The following GSK3B variants were observed in gnomAD, a reference collection of about 807,000 sequenced individuals.
GSK3B encodes the protein glycogen synthase kinase-3 beta.
Under a neutral mutation model 56.4 loss-of-function variants are expected in GSK3B, and 15 were observed. The ratio of observed to expected loss-of-function variants is 0.27; its 90% CI spans 0.18 to 0.41. The LOEUF is 0.41. GSK3B is among the 10% of genes least tolerant of loss of function. The pLI, the probability that GSK3B is intolerant of heterozygous loss-of-function variation, is 1.00. For synonymous variants in GSK3B, 181 were observed against 188.9 expected (o/e 0.96, Z 0.34); for missense variants, 300 against 513.4 (o/e 0.58, Z 4.02).
intron 4 of GSK3B, among the ~76,000 whole-genome samples, chr3:119,921,200 G>A (rs763430946): frequency 3.3e-5 from 5 of 152,088 alleles, no homozygotes; most frequent in South Asian, 2.1e-4. Flanking sequence ...ATAAATTTTC[G>A]TAAATAAAGA....
chr3:120,074,563 G>A (rs1466911253), intron 1 of GSK3B, among the ~76,000 whole-genome samples: 5 of 152,060 alleles, frequency 3.3e-5, no homozygotes, highest in Middle Eastern at 3.4e-3. Context: ...TGATCTGCCC[G>A]TCTCAGCCTC....
At chr3:120,055,877 A>C (rs943226481) in intron 1 of GSK3B, among the ~76,000 whole-genome samples, 5 of 152,254 alleles carry the variant, frequency 3.3e-5, no homozygotes, top group Non-Finnish European at 4.4e-5. Context: ...CCATAAAAAC[A>C]CAAAAGGAAA....
chr3:119,945,317 G>A (rs761686968), intron 3 of GSK3B, among the ~76,000 whole-genome samples: 1 of 151,810 alleles, frequency 6.6e-6, no homozygotes, highest in South Asian at 2.1e-4. Context: ...AAAATTTTTG[G>A]AAAATTTACA....
intron 2 of GSK3B, among the ~76,000 whole-genome samples, chr3:119,996,960 G>T (rs1377438048): frequency 6.6e-6 from 1 of 151,912 alleles, no homozygotes; most frequent in African/African-American, 2.4e-5. Context: ...AAGCAAAACC[G>T]ACTGAATATT....
At chr3:119,847,607 T>C (rs1277484263) in intron 9 of GSK3B, among the ~76,000 whole-genome samples, 2 of 152,120 alleles carry the variant, frequency 1.3e-5, no homozygotes, top group African/African-American at 2.4e-5. Context: ...CCCACAGAAG[T>C]ACTGTGATAT....
chr3:119,899,699 A>T (rs1331841879), intron 7 of GSK3B, among the ~76,000 whole-genome samples: 1 of 152,194 alleles, frequency 6.6e-6, no homozygotes, highest in Non-Finnish European at 1.5e-5. Context: ...AACAAAAACA[A>T]AAAATTGAAA....
Position 120,007,540 on chromosome 3 carries a change from C to G in GSK3B, c.89-5301G>C, listed in dbSNP as rs974919282. ...TCAATGAAATACTGGCAAATCGAAACCAGCAGCACATCAAAAAGCTTATCC... is the reference window on the plus strand; with the variant it reads ...TCAATGAAATACTGGCAAATCGAAAGCAGCAGCACATCAAAAAGCTTATCC... On this transcript the variant is annotated intron_variant, in intron 1 of 10. Coordinates refer to ENST00000264235, the MANE Select transcript of GSK3B (RefSeq NM_001146156.2). 5.3e-5 allele frequency among the ~76,000 whole-genome samples: 8 copies of G among 152,164 alleles called. No homozygotes were observed. In the East Asian group the frequency reaches 1.5e-3, roughly 29 times the overall value.
At chr3:119,973,762 T>G (rs1345518408) in intron 2 of GSK3B, among the ~76,000 whole-genome samples, 12 of 152,230 alleles carry the variant, frequency 7.9e-5, no homozygotes, top group Non-Finnish European at 7.3e-5. Context: ...TAAATTAAAT[T>G]TTATCACAGA....
At chr3:120,085,252 T>C (rs1414301887) in intron 1 of GSK3B, among the ~76,000 whole-genome samples, 1 of 152,212 alleles carries the variant, frequency 6.6e-6, no homozygotes, top group African/African-American at 2.4e-5. Flanking sequence ...AGTACGTTGC[T>C]CTTCTATATA....
chr3:119,933,971 T>C (rs1230053439), intron 3 of GSK3B, among the ~76,000 whole-genome samples: 9 of 152,146 alleles, frequency 5.9e-5, no homozygotes, highest in Admixed American at 5.9e-4. Context: ...CCTGGGACAA[T>C]GTGGCCAATA....
chr3:119,896,947 G>A (rs936260507), intron 7 of GSK3B, among the ~76,000 whole-genome samples: 1 of 151,976 alleles, frequency 6.6e-6, no homozygotes, highest in Non-Finnish European at 1.5e-5. Context: ...ATGACTACAG[G>A]GTATTATATC....
intron 1 of GSK3B, among the ~76,000 whole-genome samples, chr3:120,051,742 G>A (rs539941814): frequency 3.3e-5 from 5 of 150,916 alleles, no homozygotes; most frequent in African/African-American, 7.3e-5. Context: ...ACTCCAGCCC[G>A]GGCGACAGAG....
At chr3:120,024,716 A>T (rs561130335) in intron 1 of GSK3B, among the ~76,000 whole-genome samples, 1 of 152,346 alleles carries the variant, frequency 6.6e-6, no homozygotes, top group South Asian at 2.1e-4. Context: ...GGTACAATTA[A>T]GTCCATAATG....
intron 9 of GSK3B, among the ~76,000 whole-genome samples, chr3:119,856,787 G>A (rs896293179): frequency 2.6e-5 from 4 of 152,112 alleles, no homozygotes; most frequent in African/African-American, 9.7e-5. Context: ...CACATCAAGA[G>A]TTCCTATCCT....
At chr3:119,886,435 T>C (rs1001161536) in intron 7 of GSK3B, among the ~76,000 whole-genome samples, 4 of 152,170 alleles carry the variant, frequency 2.6e-5, no homozygotes, top group African/African-American at 9.7e-5. Context: ...TTATATGCTA[T>C]TGGTGGGAAT....
At chr3:119,847,424 G>A (rs1452307629) in intron 9 of GSK3B, among the ~76,000 whole-genome samples, 13 of 152,114 alleles carry the variant, frequency 8.5e-5, no homozygotes, top group Non-Finnish European at 7.4e-5. Context: ...AGGTTGCAGT[G>A]AGCCAAGACC....
intron 1 of GSK3B, among the ~76,000 whole-genome samples, chr3:120,039,768 TCCTGTGCTC>T (rs1438214099): frequency 6.6e-6 from 1 of 152,216 alleles, no homozygotes; most frequent in Non-Finnish European, 1.5e-5. Context: ...ACCCCTTCTC[TCCTGTGCTC>T]CCTGTGCTTT....
Position 119,826,433 on chromosome 3 carries a change from T to A in GSK3B, c.*355A>T. ...AGCACAGAAAAAGGTTTTCTTCTTT[T>A]GTGGAAGGGGCATGAGGCAGGAGTC... On this transcript the variant is annotated 3_prime_UTR_variant, in exon 11 of 11. Coordinates refer to ENST00000264235, the MANE Select transcript of GSK3B (RefSeq NM_001146156.2). The A allele has an allele frequency of 2.3e-6, 1 of 441,710 alleles. No individual in the cohort carries two copies. 27.4% of individuals were successfully genotyped at this position (441,710 alleles called of 1,614,324 possible).
intron 1 of GSK3B, among the ~76,000 whole-genome samples, chr3:120,036,013 A>C (rs1247850033): frequency 6.6e-6 from 1 of 152,210 alleles, no homozygotes. Flanking sequence ...CAATGTTAAA[A>C]AAAAGTGGCA....
Sources: gnomAD v4.1 joint callset for allele counts (sites outside exome capture counted in the v4.1 genomes callset) on GRCh38, gnomAD v4.1.1 for gene constraint, MANE v1.5 for transcripts, NCBI Gene and HGNC (gene_info 2026-07-23, HGNC 2026-07-21) for gene names.